The following NRG1 variants were observed in gnomAD, a reference collection of about 807,000 sequenced individuals.
NRG1 encodes the protein pro-neuregulin-1, membrane-bound isoform.
NRG1 carries 18 observed loss-of-function variants against 63.8 expected under a neutral mutation model. The ratio of observed to expected loss-of-function variants is 0.28; its 90% CI spans 0.19 to 0.42. The LOEUF (loss-of-function observed/expected upper bound fraction) is 0.42. Among genes scored for constraint, NRG1 ranks in the 10% least tolerant of loss-of-function variants. The probability of loss-of-function intolerance (pLI) is 1.00; values close to 1 mark genes in which losing one functional copy is unlikely to be tolerated. For missense variants in NRG1, 762 were observed against 814.7 expected (o/e 0.94, Z 0.79); for synonymous variants, 302 against 301.3 (o/e 1.00, Z -0.02).
chr8:32,391,470 GCC>G (rs1435412830), intron 1 of NRG1, among the ~76,000 whole-genome samples: 1 of 152,192 alleles, frequency 6.6e-6, no homozygotes, highest in Non-Finnish European at 1.5e-5. Context: ...CAGGTACTAA[GCC>G]CAGTACCCAA....
chr8:32,407,275 T>TTATATATATATATATATTATA (rs1814142479), intron 1 of NRG1, among the ~76,000 whole-genome samples: 1 of 47,602 alleles, frequency 2.1e-5, no homozygotes, highest in African/African-American at 7.0e-5. Context: ...TATATATATA[T>TTATATATATATATATATTATA]TATATATATA....
intron 1 of NRG1, among the ~76,000 whole-genome samples, chr8:32,496,589 C>T (rs1587976389): frequency 6.7e-6 from 1 of 149,416 alleles, no homozygotes; most frequent in Admixed American, 6.7e-5. Flanking sequence ...GACCCTGTCT[C>T]AAAATAAAAT....
intron 1 of NRG1, among the ~76,000 whole-genome samples, chr8:32,392,347 T>C (rs534475121): frequency 2.0e-5 from 3 of 152,328 alleles, no homozygotes; most frequent in Admixed American, 1.3e-4. Context: ...TTAAGGATTC[T>C]TACATCCCAT....
chr8:32,326,039 CTCTG>C (rs1288704987), intron 1 of NRG1, among the ~76,000 whole-genome samples: 5 of 145,398 alleles, frequency 3.4e-5, no homozygotes, highest in Admixed American at 1.4e-4. Flanking sequence ...GATATGGAGT[CTCTG>C]TCTGTCACCT....
chr8:32,316,197 A>G (rs1289939776), intron 1 of NRG1, among the ~76,000 whole-genome samples: 3 of 152,154 alleles, frequency 2.0e-5, no homozygotes, highest in Non-Finnish European at 4.4e-5. Flanking sequence ...ATCCTAAGGG[A>G]CCGGGCGCGG....
In NRG1 at chr8:31,845,930, A is replaced by G. The variant is rs80008703; in HGVS notation, c.37+206499A>G. Among the ~76,000 whole-genome samples the G allele has an allele frequency of 2.5e-3, 382 of 152,300 alleles. 2 individuals are homozygous for G. Among genetic ancestry groups the G allele is most frequent in the African/African-American group, 8.9e-3 (370 of 41,564 alleles). On this transcript the variant is annotated intron_variant, in intron 1 of 10. Coordinates refer to the NRG1 transcript ENST00000519301. The stretch of plus-strand genomic sequence containing the variant: ...TTTGACAGAGGTCAAAATAAGGGAA[A>G]TCAATCTTGGTTCTCATTCCAAAGA...
At chr8:32,664,580 A>C (rs1803668334) in intron 5 of NRG1, among the ~76,000 whole-genome samples, 1 of 151,856 alleles carries the variant, frequency 6.6e-6, no homozygotes, top group Non-Finnish European at 1.5e-5. Context: ...TCACACACAC[A>C]AAAAAAACAT....
chr8:31,858,949 C>G (rs1365475996), intron 1 of NRG1, among the ~76,000 whole-genome samples: 1 of 152,166 alleles, frequency 6.6e-6, no homozygotes, highest in East Asian at 1.9e-4. Context: ...GCTTCCACAA[C>G]CAGCAGGATG....
intron 1 of NRG1, among the ~76,000 whole-genome samples, chr8:32,474,495 CTTTTT>C (rs10707813): frequency 3.8e-5 from 5 of 132,422 alleles, no homozygotes; most frequent in Non-Finnish European, 4.9e-5. Context: ...GTGATATTCC[CTTTTT>C]TTTTTTTTTT....
chr8:32,688,466 G>A (rs1810760186), intron 5 of NRG1, among the ~76,000 whole-genome samples: 1 of 152,092 alleles, frequency 6.6e-6, no homozygotes, highest in African/African-American at 2.4e-5. Flanking sequence ...TTATCACACT[G>A]TAAACTTTTT....
At chr8:32,505,356 G>A (rs1484977682) in intron 1 of NRG1, among the ~76,000 whole-genome samples, 3 of 152,166 alleles carry the variant, frequency 2.0e-5, no homozygotes, top group Non-Finnish European at 4.4e-5. Flanking sequence ...GCAATACGAT[G>A]TTTATTTAGG....
chr8:32,669,820 A>G (rs1805161389), intron 5 of NRG1, among the ~76,000 whole-genome samples: 1 of 152,220 alleles, frequency 6.6e-6, no homozygotes, highest in Non-Finnish European at 1.5e-5. Flanking sequence ...TAAGCCCATC[A>G]TTTGGAAATA....
At chr8:31,767,665 C>T (rs968051381) in intron 1 of NRG1, among the ~76,000 whole-genome samples, 2 of 151,940 alleles carry the variant, frequency 1.3e-5, no homozygotes, top group African/African-American at 4.8e-5. Context: ...CATGCGGAAA[C>T]CCCGTCTCTA....
chr8:31,877,122 G>A (rs1212740604), intron 1 of NRG1, among the ~76,000 whole-genome samples: 10 of 152,044 alleles, frequency 6.6e-5, no homozygotes, highest in South Asian at 2.1e-4. Context: ...AAAGTGCACC[G>A]TTATCTTTAA....
intron 1 of NRG1, among the ~76,000 whole-genome samples, chr8:31,753,275 G>T (rs532674402): frequency 1.2e-3 from 184 of 151,914 alleles, no homozygotes; most frequent in African/African-American, 4.3e-3. Flanking sequence ...ATGTTGAAGG[G>T]CTTTAATTAT....
chr8:32,228,604 A>G (rs1846579882), intron 1 of NRG1, among the ~76,000 whole-genome samples: 1 of 152,188 alleles, frequency 6.6e-6, no homozygotes, highest in Non-Finnish European at 1.5e-5. Flanking sequence ...TTTCTACACT[A>G]TAGGATGTCA....
intron 1 of NRG1, among the ~76,000 whole-genome samples, chr8:32,136,085 C>G (rs185147870): frequency 6.6e-6 from 1 of 151,858 alleles, no homozygotes; most frequent in Admixed American, 6.6e-5. Flanking sequence ...GCTCATCTTA[C>G]GATCAGAGTC....
At chr8:32,208,382 C>T (rs760879693) in intron 1 of NRG1, among the ~76,000 whole-genome samples, 13 of 151,604 alleles carry the variant, frequency 8.6e-5, no homozygotes, top group Non-Finnish European at 1.6e-4. Flanking sequence ...CTCAGCCTCC[C>T]GAGTAGCTGG....
intron 5 of NRG1, among the ~76,000 whole-genome samples, chr8:32,660,039 C>T (rs558976989): frequency 3.9e-5 from 6 of 152,170 alleles, no homozygotes; most frequent in African/African-American, 1.4e-4. Flanking sequence ...TTCCTAAGGC[C>T]CAGAGTTATA....
Sources: allele counts gnomAD v4.1 joint callset (sites outside exome capture counted in the v4.1 genomes callset), GRCh38; gene constraint gnomAD v4.1.1; transcripts MANE v1.5; gene names NCBI Gene and HGNC (gene_info 2026-07-23, HGNC 2026-07-21).